The following ATP13A4 variants were observed in gnomAD, a reference collection of about 807,000 sequenced individuals.
ATP13A4 encodes probable cation-transporting ATPase 13A4.
A neutral mutation model predicts 142.5 loss-of-function variants in ATP13A4; 114 were observed. The ratio of observed to expected loss-of-function variants is 0.80; its 90% confidence interval spans 0.69 to 0.93. The LOEUF is 0.93. Ranked by LOEUF, ATP13A4 falls within the 40% of genes least tolerant of loss-of-function variation. ATP13A4 has a pLI of 0.00. For synonymous variants in ATP13A4, 488 were observed against 514.8 expected (o/e 0.95, Z 0.70); for missense variants, 1,392 against 1,454.0 (o/e 0.96, Z 0.69).
chr3:193,518,022 T>C (rs892574024), intron 1 of ATP13A4, among the ~76,000 whole-genome samples: 3 of 152,228 alleles, frequency 2.0e-5, no homozygotes, highest in Non-Finnish European at 4.4e-5. Context: ...GTCTCATTTC[T>C]TTTTTACCTG....
chr3:193,559,606 G>A (rs1723971799), upstream of ATP13A4, among the ~76,000 whole-genome samples: 1 of 152,142 alleles, frequency 6.6e-6, no homozygotes, highest in Admixed American at 6.5e-5. Flanking sequence ...GCAACCCTTA[G>A]ATTAAAGGGT....
At chr3:193,506,303 C>A (rs1002491215) in intron 2 of ATP13A4, among the ~76,000 whole-genome samples, 2 of 152,124 alleles carry the variant, frequency 1.3e-5, no homozygotes, top group Non-Finnish European at 1.5e-5. Context: ...AAAGTGCTTG[C>A]CTGGCAAATC....
intron 17 of ATP13A4, among the ~76,000 whole-genome samples, chr3:193,450,876 G>A (rs2108630835): frequency 6.6e-6 from 1 of 152,262 alleles, no homozygotes; most frequent in Admixed American, 6.5e-5. Context: ...GTTGCTGGGT[G>A]GAGGTCATTA....
chr3:193,440,399 T>A, intron 21 of ATP13A4, 159 bp downstream of exon 21: 1 of 1,345,608 alleles, frequency 7.4e-7, no homozygotes, highest in Admixed American at 2.1e-5. Flanking sequence ...GATCCCTTGG[T>A]ACTGCTATTT....
chr3:193,410,672 T>A (rs1310756886), intron 28 of ATP13A4, among the ~76,000 whole-genome samples: 2 of 152,132 alleles, frequency 1.3e-5, no homozygotes, highest in East Asian at 3.8e-4. Context: ...TGAACTACGA[T>A]TGCACCATGG....
chr3:193,567,212 T>A (rs1465447240), intron 2 of ATP13A4, among the ~76,000 whole-genome samples: 2 of 152,168 alleles, frequency 1.3e-5, no homozygotes, highest in East Asian at 3.8e-4. Flanking sequence ...TGCATATTTT[T>A]ATATAAAAAA....
chr3:193,542,903 C>T lies in ATP13A4; in HGVS notation c.60+11837G>A, dbSNP rs76509533. Among the ~76,000 whole-genome samples, 907 of 152,260 alleles carry T rather than the reference C, an allele frequency of 6.0e-3. 14 individuals are homozygous for T. The East Asian group carries it at 0.069, about 12-fold the overall frequency. ...AGAAGAGGCCAGGCACGGTGGCTCA[C>T]GCCTGTAATCCCAGCACTTTGGGAG... On this transcript the variant is annotated intron_variant, in intron 1 of 29. Coordinates refer to ENST00000342695, the MANE Select transcript of ATP13A4 (RefSeq NM_032279.4).
intron 29 of ATP13A4, among the ~76,000 whole-genome samples, chr3:193,406,042 C>T (rs1340396165): frequency 6.6e-6 from 1 of 152,156 alleles, no homozygotes; most frequent in East Asian, 1.9e-4. Flanking sequence ...AAAGTGTGAT[C>T]CCTGAACTAG....
intron 29 of ATP13A4, among the ~76,000 whole-genome samples, chr3:193,404,829 A>G (rs1714413980): frequency 6.6e-6 from 1 of 152,202 alleles, no homozygotes; most frequent in Non-Finnish European, 1.5e-5. Context: ...CAACTAGAAA[A>G]AAACGAAAGC....
At chr3:193,455,210 G>A (rs567572208) in intron 16 of ATP13A4, among the ~76,000 whole-genome samples, 10 of 151,988 alleles carry the variant, frequency 6.6e-5, no homozygotes, top group African/African-American at 2.4e-4. Flanking sequence ...GCGAGGTGGC[G>A]GGAGCCCGTA....
Position 193,489,618 on chromosome 3 carries a change from C to T in ATP13A4, c.738+112G>A, listed in dbSNP as rs1219153876. ...TGCTAGGTATTTACAAACTTGCTCT[C>T]ATTTACTACGGAGTAGGAAGTGACT... On this transcript the variant is annotated intron_variant, in intron 7 of 29. Coordinates refer to ENST00000342695, the MANE Select transcript of ATP13A4 (RefSeq NM_032279.4). The T allele has an allele frequency of 3.3e-6, 4 of 1,196,316 alleles. No homozygotes were observed. In the African/African-American group the frequency reaches 4.6e-5, roughly 14 times the overall value. 74.1% of individuals were successfully genotyped at this position (1,196,316 alleles called of 1,614,324 possible).
chr3:193,483,903 A>T, intron 8 of ATP13A4, 33 bp downstream of exon 8: 1 of 1,444,474 alleles, frequency 6.9e-7, no homozygotes, highest in Non-Finnish European at 9.7e-7. Context: ...ATTCCATGTG[A>T]ATAGCATATA....
rs1560270238 is a variant in ATP13A4 at position 193,541,384 on chromosome 3, ATCT to A, written c.60+13353_60+13355del. Among the ~76,000 whole-genome samples, 19 of 116,226 alleles carry A rather than the reference ATCT, an allele frequency of 1.6e-4. No individual in the cohort carries two copies. In the East Asian group the frequency reaches 3.7e-3, roughly 23 times the overall value. 76.2% of individuals were successfully genotyped at this position (116,226 alleles called of 152,430 possible). On this transcript the variant is annotated intron_variant, in intron 1 of 29. Coordinates refer to ENST00000342695, the MANE Select transcript of ATP13A4 (RefSeq NM_032279.4). The stretch of plus-strand genomic sequence containing the variant: ...TATCTGTGATTATCGATCACAGATT[ATCT>A]ATCTGTGATTATCGATCACAGATTA...
intron 1 of ATP13A4, among the ~76,000 whole-genome samples, chr3:193,542,868 T>TA (rs1325529881): frequency 2.0e-5 from 3 of 152,026 alleles, no homozygotes; most frequent in Non-Finnish European, 2.9e-5. Context: ...CCCAAAACTA[T>TA]AAAAAACCTA....
chr3:193,522,468 C>T (rs1378956828), intron 1 of ATP13A4, among the ~76,000 whole-genome samples: 1 of 152,104 alleles, frequency 6.6e-6, no homozygotes, highest in South Asian at 2.1e-4. Flanking sequence ...AGGAAGGTAA[C>T]GTTTGGGGAG....
chr3:193,573,308 C>CATAT (rs1553862286), intron 2 of ATP13A4, among the ~76,000 whole-genome samples: 25 of 103,658 alleles, frequency 2.4e-4, no homozygotes, highest in Non-Finnish European at 2.9e-4. Context: ...TATATATATA[C>CATAT]ATATATATAT....
At chr3:193,573,617 C>T (rs1724335307) in intron 2 of ATP13A4, among the ~76,000 whole-genome samples, 1 of 152,076 alleles carries the variant, frequency 6.6e-6, no homozygotes, top group African/African-American at 2.4e-5. Flanking sequence ...TTCCCATCCC[C>T]ACCACTCTAG....
At chr3:193,541,248 C>CAAAAAAAAAAAAAAAAAAAAAAAAA (rs71179308) in intron 1 of ATP13A4, among the ~76,000 whole-genome samples, 7 of 51,298 alleles carry the variant, frequency 1.4e-4, no homozygotes, top group Non-Finnish European at 2.0e-4. Context: ...GACTCCTTCT[C>CAAAAAAAAAAAAAAAAAAAAAAAAA]AAAAAAAAAA....
At chr3:193,463,362 G>C (rs1314314139) in intron 12 of ATP13A4, among the ~76,000 whole-genome samples, 1 of 144,330 alleles carries the variant, frequency 6.9e-6, no homozygotes, top group Non-Finnish European at 1.5e-5. Context: ...ATAAGGAATA[G>C]AGTGAAATTT....
Sources: allele counts gnomAD v4.1 joint callset (sites outside exome capture counted in the v4.1 genomes callset), GRCh38; gene constraint gnomAD v4.1.1; transcripts MANE v1.5; gene names NCBI Gene and HGNC (gene_info 2026-07-23, HGNC 2026-07-21).